CNTNAP2: variants seen among roughly 807,000 people sequenced by gnomAD.
CNTNAP2 encodes contactin associated protein 2.
CNTNAP2 carries 98 observed loss-of-function variants against 155.2 expected under a neutral mutation model. The observed-to-expected ratio is 0.63, with a 90% CI of 0.54 to 0.75. The LOEUF is 0.75. Ranked by LOEUF, CNTNAP2 falls within the 30% of genes least tolerant of loss-of-function variation. The probability of loss-of-function intolerance (pLI) is 0.00; values close to 1 mark genes in which losing one functional copy is unlikely to be tolerated. For synonymous variants in CNTNAP2, 651 were observed against 631.2 expected, an observed-to-expected ratio of 1.03 and a Z score of -0.47; for missense variants, 1,727 against 1,688.1, an observed-to-expected ratio of 1.02 and a Z score of -0.40.
chr7:147,966,721 A>G (rs1057156443), intron 14 of CNTNAP2, among the ~76,000 whole-genome samples: 1 of 152,092 alleles, frequency 6.6e-6, no homozygotes, highest in Non-Finnish European at 1.5e-5. Flanking sequence ...GCCCACAACC[A>G]TCATCACCAT....
chr7:147,617,260 A>G (rs1244208195), intron 12 of CNTNAP2, among the ~76,000 whole-genome samples: 1 of 152,100 alleles, frequency 6.6e-6, no homozygotes, highest in Non-Finnish European at 1.5e-5. Context: ...TTGGATACAC[A>G]ATATATCTCT....
chr7:146,691,341 A>G (rs745838702), intron 1 of CNTNAP2, among the ~76,000 whole-genome samples: 54 of 152,300 alleles, frequency 3.5e-4, no homozygotes, highest in East Asian at 9.7e-4. Flanking sequence ...AAAGCAATGT[A>G]AGTTGAAAAT....
At chr7:146,463,829 A>G (rs1187079837) in intron 1 of CNTNAP2, among the ~76,000 whole-genome samples, 1 of 152,116 alleles carries the variant, frequency 6.6e-6, no homozygotes, top group Non-Finnish European at 1.5e-5. Flanking sequence ...AAATGATGGC[A>G]GGTTTGTAAA....
chr7:147,121,038 G>T lies in CNTNAP2; in HGVS notation c.814G>T (p.Asp272Tyr). The T allele has an allele frequency of 5.0e-6, 8 of 1,614,028 alleles. No homozygotes were observed. The highest frequency in any genetic ancestry group is 6.8e-6 in the Non-Finnish European group (8 of 1,180,002). ...HTSVMTGSLL[D>Y]DHHWHSVVIE... ...ATCAGTGATGACAGGAAGTTTGCTG[G>T]ATGACCACCACTGGCACTCTGTGGT... Residue 272 changes from aspartate (D) to tyrosine (Y), a missense_variant, in exon 6 of 24, where the codon GAT (aspartate) becomes TAT (tyrosine). By Grantham distance (160) the Asp-to-Tyr change is radical. Coordinates refer to ENST00000361727, the MANE Select transcript of CNTNAP2 (RefSeq NM_014141.6).
At chr7:147,365,490 T>A (rs1404551183) in intron 9 of CNTNAP2, among the ~76,000 whole-genome samples, 1 of 151,790 alleles carries the variant, frequency 6.6e-6, no homozygotes, top group Non-Finnish European at 1.5e-5. Flanking sequence ...GTCAGATGAA[T>A]GTTTGAATTA....
chr7:147,431,898 A>C (rs571072857), intron 10 of CNTNAP2, among the ~76,000 whole-genome samples: 2 of 152,136 alleles, frequency 1.3e-5, no homozygotes, highest in African/African-American at 4.8e-5. Context: ...TTGTTCTTTA[A>C]CTTCTTCCAT....
chr7:146,376,027 C>T (rs1003313023), intron 1 of CNTNAP2, among the ~76,000 whole-genome samples: 7 of 152,188 alleles, frequency 4.6e-5, no homozygotes, highest in African/African-American at 1.7e-4. Flanking sequence ...CGTATAACTG[C>T]CACCAAATTG....
At chr7:146,655,552 T>C (rs983627569) in intron 1 of CNTNAP2, among the ~76,000 whole-genome samples, 14 of 152,118 alleles carry the variant, frequency 9.2e-5, no homozygotes, top group Non-Finnish European at 1.6e-4. Context: ...ATATTTTCCA[T>C]TCTAAGGTGT....
At chr7:146,865,745 A>G (rs1346015491) in intron 3 of CNTNAP2, among the ~76,000 whole-genome samples, 14 of 152,182 alleles carry the variant, frequency 9.2e-5, no homozygotes, top group Non-Finnish European at 2.1e-4. Flanking sequence ...ACAAAAAAGT[A>G]TTAGCCATAA....
chr7:146,144,116 C>A (rs531132404), intron 1 of CNTNAP2, among the ~76,000 whole-genome samples: 2 of 152,080 alleles, frequency 1.3e-5, no homozygotes, highest in Non-Finnish European at 2.9e-5. Context: ...TCCCCACACA[C>A]AAGCTTTTTG....
At chr7:148,292,773 G>A (rs1174349119) in intron 21 of CNTNAP2, among the ~76,000 whole-genome samples, 1 of 152,086 alleles carries the variant, frequency 6.6e-6, no homozygotes, top group Non-Finnish European at 1.5e-5. Context: ...CTAGAATGAG[G>A]ACCAGAGAAC....
intron 1 of CNTNAP2, among the ~76,000 whole-genome samples, chr7:146,236,263 T>C (rs907411692): frequency 6.6e-6 from 1 of 152,200 alleles, no homozygotes; most frequent in Non-Finnish European, 1.5e-5. Context: ...AATTAAGATT[T>C]CTTTATTCAT....
chr7:148,081,166 C>T (rs538660128), intron 15 of CNTNAP2, among the ~76,000 whole-genome samples: 7 of 152,282 alleles, frequency 4.6e-5, no homozygotes, highest in South Asian at 4.1e-4. Flanking sequence ...TGATGCAATT[C>T]ATAGTAGGCC....
intron 13 of CNTNAP2, among the ~76,000 whole-genome samples, chr7:147,668,329 A>T (rs1321710294): frequency 6.6e-6 from 1 of 152,238 alleles, no homozygotes. Flanking sequence ...AAGAAAATCT[A>T]TGATTAAAGA....
chr7:147,362,678 G>C (rs567822372), intron 9 of CNTNAP2, among the ~76,000 whole-genome samples: 2 of 152,226 alleles, frequency 1.3e-5, no homozygotes, highest in East Asian at 3.9e-4. Context: ...GTTGCTGAGT[G>C]TTATGGAGTG....
chr7:146,455,935 C>A (rs1197617044), intron 1 of CNTNAP2, among the ~76,000 whole-genome samples: 1 of 152,008 alleles, frequency 6.6e-6, no homozygotes, highest in Non-Finnish European at 1.5e-5. Flanking sequence ...AACACATGAG[C>A]CACTTATGCT....
At chr7:146,853,551 C>A (rs1335272435) in intron 3 of CNTNAP2, among the ~76,000 whole-genome samples, 1 of 152,104 alleles carries the variant, frequency 6.6e-6, no homozygotes, top group Non-Finnish European at 1.5e-5. Flanking sequence ...AATATCATTG[C>A]CAATAGTAAT....
chr7:147,761,505 C>T (rs1363435000), intron 13 of CNTNAP2, among the ~76,000 whole-genome samples: 1 of 152,172 alleles, frequency 6.6e-6, no homozygotes, highest in Non-Finnish European at 1.5e-5. Flanking sequence ...TCCTCCTGTG[C>T]TTCAACAATC....
chr7:146,468,034 A>G (rs1796740293), intron 1 of CNTNAP2, among the ~76,000 whole-genome samples: 1 of 152,232 alleles, frequency 6.6e-6, no homozygotes, highest in Admixed American at 6.5e-5. Flanking sequence ...AGGTAAAAGA[A>G]AAAAGGTAAC....
Sources: gnomAD v4.1 joint callset for allele counts (sites outside exome capture counted in the v4.1 genomes callset) on GRCh38, gnomAD v4.1.1 for gene constraint, MANE v1.5 for transcripts, NCBI Gene and HGNC (gene_info 2026-07-23, HGNC 2026-07-21) for gene names.